The following DAP variants were observed in gnomAD, a reference collection of about 807,000 sequenced individuals.
The protein encoded by DAP is death-associated protein 1.
A neutral mutation model predicts 13.8 loss-of-function variants in DAP; 8 were observed. That is an observed-to-expected ratio of 0.58 (90% CI 0.34 to 1.05). DAP has a LOEUF of 1.05. Among genes scored for constraint, DAP ranks in the 50% least tolerant of loss-of-function variants. The pLI is 0.03. For missense variants in DAP, 106 were observed against 133.2 expected (o/e 0.80, Z 1.01); for synonymous variants, 47 against 47.5 (o/e 0.99, Z 0.04).
intron 2 of DAP, among the ~76,000 whole-genome samples, chr5:10,691,478 G>GT (rs1233337919): frequency 1.3e-5 from 2 of 152,240 alleles, no homozygotes; most frequent in East Asian, 3.8e-4. Flanking sequence ...AAAGGTCTGG[G>GT]TGTAAGGCTG....
At chr5:10,699,847 C>T (rs1471855659) in intron 2 of DAP, among the ~76,000 whole-genome samples, 1 of 152,250 alleles carries the variant, frequency 6.6e-6, no homozygotes, top group Non-Finnish European at 1.5e-5. Flanking sequence ...GGGGTGTCCC[C>T]TGCCTTGAGG....
At chr5:10,758,911 C>A (rs1456571300) in intron 1 of DAP, among the ~76,000 whole-genome samples, 2 of 152,146 alleles carry the variant, frequency 1.3e-5, no homozygotes, top group Non-Finnish European at 2.9e-5. Context: ...ACAGTTTATA[C>A]CTCTGACCTT....
intron 2 of DAP, among the ~76,000 whole-genome samples, chr5:10,726,148 C>T (rs1739283132): frequency 6.6e-6 from 1 of 152,210 alleles, no homozygotes; most frequent in East Asian, 1.9e-4. Flanking sequence ...ATGTTCAATT[C>T]TGCCTGTTGG....
intron 2 of DAP, among the ~76,000 whole-genome samples, chr5:10,733,386 C>T (rs1447738099): frequency 6.6e-6 from 1 of 152,096 alleles, no homozygotes; most frequent in Non-Finnish European, 1.5e-5. Context: ...ATTTTTAACA[C>T]AAAAAACTTT....
At chr5:10,722,700 C>T (rs1410308069) in intron 2 of DAP, among the ~76,000 whole-genome samples, 1 of 151,724 alleles carries the variant, frequency 6.6e-6, no homozygotes, top group African/African-American at 2.4e-5. Flanking sequence ...TGCCTGGACC[C>T]AGATGCCACA....
In DAP at chr5:10,680,594, C is replaced by G; in HGVS notation, c.*462G>C. ...GCCTCTAAGGTCCTTTATGAGGGGCCGCCCAAACTCATTCCCTTAGTTCTT... is the reference window on the plus strand; with the variant it reads ...GCCTCTAAGGTCCTTTATGAGGGGCGGCCCAAACTCATTCCCTTAGTTCTT... On this transcript the variant is annotated 3_prime_UTR_variant, in exon 4 of 4. Coordinates refer to ENST00000230895, the MANE Select transcript of DAP (RefSeq NM_004394.3). The G allele has an allele frequency of 1.2e-6, 1 of 834,368 alleles. No individual in the cohort carries two copies. 51.7% of individuals were successfully genotyped at this position (834,368 alleles called of 1,614,324 possible).
chr5:10,755,641 C>T (rs1379709125), intron 1 of DAP, among the ~76,000 whole-genome samples: 1 of 152,164 alleles, frequency 6.6e-6, no homozygotes, highest in East Asian at 1.9e-4. Flanking sequence ...AGTTTGGCCA[C>T]TGAGAATTTA....
rs1738733522 is a variant in DAP, at chr5:10,707,674, G to A, written c.153-24103C>T. Among the ~76,000 whole-genome samples the A allele has an allele frequency of 1.3e-5, 2 of 152,160 alleles. No individual in the cohort carries two copies. Among genetic ancestry groups the A allele is most frequent in the Admixed American group, 6.5e-5 (1 of 15,282 alleles). ...GGGTGGTGTGATTTGCGATCAGTGT[G>A]GTGCACAGGCGGCGTGATGTACAGG... is the stretch of plus-strand genomic sequence containing the variant. On this transcript the variant is annotated intron_variant, in intron 2 of 3. Coordinates refer to ENST00000230895, the MANE Select transcript of DAP (RefSeq NM_004394.3). This position sits in a 1 kb window ranked among gnomAD's most constrained non-coding sequence, Gnocchi z 4.0.
intron 2 of DAP, among the ~76,000 whole-genome samples, chr5:10,730,891 C>T (rs1471478517): frequency 7.9e-4 from 54 of 68,702 alleles, no homozygotes; most frequent in Non-Finnish European, 7.5e-4. Flanking sequence ...TCTTTCTCTA[C>T]TGAGAGCCCT....
chr5:10,751,476 G>A (rs1360570303), intron 1 of DAP, among the ~76,000 whole-genome samples: 1 of 152,138 alleles, frequency 6.6e-6, no homozygotes, highest in East Asian at 1.9e-4. Flanking sequence ...GAGCTTAGAA[G>A]AACTGTCCCA....
chr5:10,751,973 T>C (rs1740057302), intron 1 of DAP, among the ~76,000 whole-genome samples: 3 of 152,222 alleles, frequency 2.0e-5, no homozygotes. Context: ...AAAAATGATC[T>C]CTGAATCTTT....
intron 1 of DAP, among the ~76,000 whole-genome samples, chr5:10,750,481 C>T (rs1192818564): frequency 6.6e-6 from 1 of 152,172 alleles, no homozygotes; most frequent in Non-Finnish European, 1.5e-5. Context: ...GCTGCCCGCA[C>T]CTCTTCTCAA....
chr5:10,687,390 T>C (rs1404177885), intron 2 of DAP, among the ~76,000 whole-genome samples: 1 of 152,190 alleles, frequency 6.6e-6, no homozygotes, highest in Non-Finnish European at 1.5e-5. Context: ...TTTACTACTA[T>C]AGATGCCACT....
intron 2 of DAP, among the ~76,000 whole-genome samples, chr5:10,684,535 AAC>A (rs774859273): frequency 2.0e-5 from 3 of 152,236 alleles, no homozygotes; most frequent in Non-Finnish European, 2.9e-5. Context: ...ACCACCTGGA[AAC>A]ACACACTGTT....
At chr5:10,730,374 A>G (rs567379798) in intron 2 of DAP, among the ~76,000 whole-genome samples, 84 of 152,358 alleles carry the variant, frequency 5.5e-4, no homozygotes, top group African/African-American at 1.9e-3. Flanking sequence ...ACCCTGTCCT[A>G]TACAAATCTA....
intron 2 of DAP, among the ~76,000 whole-genome samples, chr5:10,726,404 A>G (rs377079679): frequency 2.0e-5 from 3 of 152,250 alleles, no homozygotes; most frequent in African/African-American, 7.2e-5. Context: ...AAGCAGCACC[A>G]CTAACTCTGG....
chr5:10,751,574 C>T (rs186879076), intron 1 of DAP, among the ~76,000 whole-genome samples: 8 of 152,290 alleles, frequency 5.3e-5, no homozygotes, highest in East Asian at 1.9e-4. Context: ...GATGCTATTA[C>T]GGGCTGAATA....
intron 3 of DAP, among the ~76,000 whole-genome samples, chr5:10,682,153 G>A (rs1404556072): frequency 6.6e-6 from 1 of 151,378 alleles, no homozygotes; most frequent in Non-Finnish European, 1.5e-5. Context: ...CCTGCAGGAA[G>A]CATGGTGTTT....
At chr5:10,693,709 A>AGCAGCCTC (rs150683240) in intron 2 of DAP, among the ~76,000 whole-genome samples, 9,562 of 152,282 alleles carry the variant, frequency 0.063, 339 homozygotes, top group South Asian at 0.081. Flanking sequence ...ATTTTAAAGC[A>AGCAGCCTC]GAGTTTTAGC....
Sources: allele counts gnomAD v4.1 joint callset (sites outside exome capture counted in the v4.1 genomes callset), GRCh38; gene constraint gnomAD v4.1.1; non-coding constraint Gnocchi (gnomAD v3.1); transcripts MANE v1.5; gene names NCBI Gene and HGNC (gene_info 2026-07-23, HGNC 2026-07-21).